Variants in FBXO33 observed in about 807,000 individuals in gnomAD.
FBXO33 encodes the protein F-box protein 33.
FBXO33 carries 22 observed loss-of-function variants against 46.3 expected under a neutral mutation model. The ratio of observed to expected loss-of-function variants is 0.48; its 90% CI spans 0.34 to 0.68. FBXO33 has a LOEUF of 0.68. Ranked by LOEUF, FBXO33 falls within the 30% of genes least tolerant of loss-of-function variation. The pLI is 0.01. For synonymous variants in FBXO33, 337 were observed against 291.3 expected (o/e 1.16, Z -1.60); for missense variants, 692 against 708.8 (o/e 0.98, Z 0.27).
At position 39,399,615 on chromosome 14, in the gene FBXO33, T is replaced by G; in HGVS notation, c.1569A>C (p.Gln523His). The G allele has an allele frequency of 6.2e-7, 1 of 1,613,836 alleles. No homozygotes were observed. Among genetic ancestry groups the G allele is most frequent in the Non-Finnish European group, 8.5e-7 (1 of 1,179,920 alleles). Reference protein sequence around the residue: ...LIEQVSLGLGQPWHAVMDIES... With the variant: ...LIEQVSLGLGHPWHAVMDIES... ...CGATGTCCATGACTGCATGCCAAGG[T>G]TGACCCAGGCCCAGGGATACCTGCT... The change falls in exon 4 of 4, where the codon CAA becomes CAC. Residue 523 changes from glutamine (Q) to histidine (H), a missense_variant. Gln to His is a conservative substitution (Grantham distance 24). Around this residue, in one of 3 missense-constraint regions of FBXO33, gnomAD observed 94 missense variants for 91.9 expected, o/e 1.02. Coordinates refer to ENST00000298097, the MANE Select transcript of FBXO33 (RefSeq NM_203301.4).
At position 39,401,236 on chromosome 14, in the gene FBXO33, C is replaced by G; in HGVS notation, c.1336G>C (p.Glu446Gln). The change falls in exon 3 of 4, where the codon GAA (glutamate) becomes CAA (glutamine). Residue 446 changes from glutamate (E) to glutamine (Q), a missense_variant. This residue lies in a region of FBXO33 where 186 missense variants were observed against 246.1 expected (regional missense o/e 0.76). Transcript: ENST00000298097. ...CATGCTAATAAAACCAACGGATCTT[C>G]ATTTCGGTTGTCACTAAGATCTGGA... ...GFPDLSDNRNEDPLVLLAWRC... is the reference protein window; with the variant it reads ...GFPDLSDNRNQDPLVLLAWRC... 1 of 1,612,994 alleles carries G rather than the reference C, an allele frequency of 6.2e-7. No homozygotes were observed. Among genetic ancestry groups the G allele is most frequent in the Non-Finnish European group, 8.5e-7 (1 of 1,179,652 alleles).
chr14:39,413,752 A>G (rs1334038251), intron 1 of FBXO33, among the ~76,000 whole-genome samples: 1 of 152,210 alleles, frequency 6.6e-6, no homozygotes, highest in Non-Finnish European at 1.5e-5. Context: ...CTCTTGAGTG[A>G]CCATGTACAT....
chr14:39,429,253 A>G (rs973576084), intron 1 of FBXO33, among the ~76,000 whole-genome samples: 3 of 152,236 alleles, frequency 2.0e-5, no homozygotes, highest in African/African-American at 7.2e-5. Flanking sequence ...GGAATTCAGC[A>G]CAAAGCCTGG....
At chr14:39,412,056 T>C (rs1253413381) in intron 1 of FBXO33, among the ~76,000 whole-genome samples, 1 of 152,204 alleles carries the variant, frequency 6.6e-6, no homozygotes, top group African/African-American at 2.4e-5. Context: ...GAATGTTCTG[T>C]ATATGTCTGT....
At chr14:39,423,326 A>G (rs560855325) in intron 1 of FBXO33, among the ~76,000 whole-genome samples, 3 of 152,328 alleles carry the variant, frequency 2.0e-5, no homozygotes, top group Non-Finnish European at 2.9e-5. Flanking sequence ...TACCAATGAG[A>G]GTATCAAATG....
At chr14:39,411,474 G>T (rs1180923191) in intron 1 of FBXO33, among the ~76,000 whole-genome samples, 1 of 151,372 alleles carries the variant, frequency 6.6e-6, no homozygotes, top group Non-Finnish European at 1.5e-5. Context: ...ATAAGTTTTG[G>T]TAAGTTGTTT....
At chr14:39,426,793 C>G (rs555447347) in intron 1 of FBXO33, among the ~76,000 whole-genome samples, 2 of 152,330 alleles carry the variant, frequency 1.3e-5, no homozygotes, top group Non-Finnish European at 2.9e-5. Flanking sequence ...ATATCCTTCT[C>G]AAAAGAGGTT....
At chr14:39,406,390 A>C (rs1402355689) in intron 1 of FBXO33, among the ~76,000 whole-genome samples, 1 of 152,180 alleles carries the variant, frequency 6.6e-6, no homozygotes, top group African/African-American at 2.4e-5. Flanking sequence ...TTCTTCTACA[A>C]AGAAACACTA....
intron 1 of FBXO33, 89 bp downstream of exon 1, chr14:39,431,475 G>A: frequency 6.3e-7 from 1 of 1,579,208 alleles, no homozygotes; most frequent in Non-Finnish European, 8.5e-7. Flanking sequence ...AAGTTGGCCG[G>A]GCACGTATTA....
rs546820198 is a variant in FBXO33 at position 39,420,494 on chromosome 14, T to C, written c.599+11070A>G. 5.3e-5 allele frequency among the ~76,000 whole-genome samples: 8 copies of C among 152,284 alleles called. No individual in the cohort carries two copies. In the South Asian group the frequency reaches 8.3e-4, roughly 16 times the overall value. ...TCACGAGGTCAGATCGAGACCAACCTGGCTAACACGGTGAAACCCCGTCTC... is the reference window on the plus strand; with the variant it reads ...TCACGAGGTCAGATCGAGACCAACCCGGCTAACACGGTGAAACCCCGTCTC... On this transcript the variant is annotated intron_variant, in intron 1 of 3. Coordinates refer to ENST00000298097, the MANE Select transcript of FBXO33 (RefSeq NM_203301.4).
chr14:39,401,884 A>C, intron 2 of FBXO33, 23 bp from the exon 3 acceptor site: 1 of 1,554,944 alleles, frequency 6.4e-7, no homozygotes, highest in Non-Finnish European at 8.8e-7. Flanking sequence ...CACATGCCAC[A>C]GTGATCCCAT....
chr14:39,410,495 G>C (rs1368669207), intron 1 of FBXO33, among the ~76,000 whole-genome samples: 1 of 152,182 alleles, frequency 6.6e-6, no homozygotes, highest in East Asian at 1.9e-4. Context: ...TTTATTGTTA[G>C]TGTCCTTGTC....
At chr14:39,414,837 T>C (rs1259677095) in intron 1 of FBXO33, among the ~76,000 whole-genome samples, 1 of 152,064 alleles carries the variant, frequency 6.6e-6, no homozygotes. Flanking sequence ...AATTTTAAAA[T>C]ATTTTGTAGG....
intron 1 of FBXO33, among the ~76,000 whole-genome samples, chr14:39,424,967 G>T (rs894943164): frequency 1.3e-5 from 2 of 152,014 alleles, no homozygotes; most frequent in Admixed American, 6.6e-5. Flanking sequence ...CAGGAGAATC[G>T]CTTCCACCTG....
At chr14:39,403,299 A>G (rs930298568) in intron 1 of FBXO33, among the ~76,000 whole-genome samples, 1 of 152,232 alleles carries the variant, frequency 6.6e-6, no homozygotes, top group African/African-American at 2.4e-5. Context: ...CAACAGAAGT[A>G]GAAAACTATG....
At chr14:39,409,176 A>C (rs1329929230) in intron 1 of FBXO33, among the ~76,000 whole-genome samples, 1 of 152,146 alleles carries the variant, frequency 6.6e-6, no homozygotes, top group Non-Finnish European at 1.5e-5. Context: ...CAATGCCAAG[A>C]AGCTTTCCCC....
chr14:39,398,707 C>T lies in FBXO33; in HGVS notation c.*809G>A, dbSNP rs1267853655. The T allele has an allele frequency of 6.6e-6, 1 of 152,618 alleles. No homozygotes were observed. The highest frequency in any genetic ancestry group is 1.5e-5 in the Non-Finnish European group (1 of 68,032). The allele number at this position is 152,618 out of a possible 1,614,324, so 9.5% of individuals were successfully genotyped here. ...TGACTTGTTGCTAGGGATTTCACGACTAATGTTTTTGCAAGCATGTGTATT... is the reference window on the plus strand; with the variant it reads ...TGACTTGTTGCTAGGGATTTCACGATTAATGTTTTTGCAAGCATGTGTATT... On this transcript the variant is annotated 3_prime_UTR_variant, in exon 4 of 4. Coordinates refer to ENST00000298097, the MANE Select transcript of FBXO33 (RefSeq NM_203301.4).
In FBXO33 at chr14:39,432,185, G is replaced by A. The variant is rs1434696297; in HGVS notation, c.-23C>T. 17 of 1,220,854 alleles carry A rather than the reference G, an allele frequency of 1.4e-5. No individual in the cohort carries two copies. Among genetic ancestry groups the A allele is most frequent in the Non-Finnish European group, 1.7e-5 (17 of 979,236 alleles). The allele number at this position is 1,220,854 out of a possible 1,614,324, so 75.6% of individuals were successfully genotyped here. On this transcript the variant is annotated 5_prime_UTR_variant, in exon 1 of 4. Transcript: ENST00000298097. ...CATCAATGACTAGGAAGAAGGGGGC[G>A]GAACCGTCGTGGGTCTCGGCGGAAC...
intron 1 of FBXO33, among the ~76,000 whole-genome samples, chr14:39,420,689 T>A (rs2075478805): frequency 6.6e-6 from 1 of 151,214 alleles, no homozygotes; most frequent in Admixed American, 6.6e-5. Flanking sequence ...AAACTCTGTC[T>A]CAAAAAAAAA....
Sources: allele counts gnomAD v4.1 joint callset (sites outside exome capture counted in the v4.1 genomes callset), GRCh38; gene constraint gnomAD v4.1.1; regional missense constraint gnomAD v4.1.1; transcripts MANE v1.5; gene names NCBI Gene and HGNC (gene_info 2026-07-23, HGNC 2026-07-21).